IDH1: variants seen among roughly 807,000 people sequenced by gnomAD.
IDH1 encodes isocitrate dehydrogenase (NADP(+)) 1.
A neutral mutation model predicts 46.1 loss-of-function variants in IDH1; 33 were observed. The ratio of observed to expected loss-of-function variants is 0.72; its 90% CI spans 0.54 to 0.96. The LOEUF is 0.96. Among genes scored for constraint, IDH1 ranks in the 40% least tolerant of loss-of-function variants. IDH1 has a pLI of 0.00. For synonymous variants in IDH1, 144 were observed against 172.8 expected (o/e 0.83, Z 1.31); for missense variants, 421 against 515.7 (o/e 0.82, Z 1.78).
chr2:208,248,096 A>C, intron 4 of IDH1: 1 of 490,580 alleles, frequency 2.0e-6, no homozygotes, highest in Non-Finnish European at 3.6e-6. Context: ...TGGCAATATC[A>C]TATGGTATAA....
Position 208,242,769 on chromosome 2 carries a change from C to CT in IDH1, c.699-625dup, listed in dbSNP as rs1206390027. On this transcript the variant is annotated intron_variant, in intron 6 of 9. Coordinates refer to ENST00000345146, the MANE Select transcript of IDH1 (RefSeq NM_005896.4). Reference sequence around the variant, plus strand: ...TAAATTCTTTTTTTTCTTTTCTTTTCTTTTTTTTTTTTTGAGACGGAGTCT... The same window carrying CT: ...TAAATTCTTTTTTTTCTTTTCTTTTCTTTTTTTTTTTTTTGAGACGGAGTCT... Among the ~76,000 whole-genome samples, 1,338 of 139,624 alleles carry CT rather than the reference C, an allele frequency of 9.6e-3. 16 individuals are homozygous for CT. Among genetic ancestry groups the CT allele is most frequent in the Middle Eastern group, 0.032 (9 of 280 alleles). The allele number at this position is 139,624 out of a possible 152,430, so 91.6% of individuals were successfully genotyped here. A position where few individuals can be genotyped will look rare whatever the true frequency, so the allele number is the denominator to read the frequency against.
chr2:208,244,665 A>G (rs1477841320), intron 5 of IDH1, among the ~76,000 whole-genome samples: 1 of 152,264 alleles, frequency 6.6e-6, no homozygotes, highest in Non-Finnish European at 1.5e-5. Context: ...CTGCAGAACC[A>G]GATTCCAACA....
chr2:208,241,914 G>A, intron 7 of IDH1, 80 bp downstream of exon 7: 4 of 1,398,122 alleles, frequency 2.9e-6, no homozygotes, highest in Non-Finnish European at 4.1e-6. Flanking sequence ...TACAACAAAG[G>A]ACTACAAAAC....
At position 208,246,709 on chromosome 2, in the gene IDH1, C is replaced by T. The variant is rs558674711; in HGVS notation, c.415-1285G>A. 1.4e-4 allele frequency among the ~76,000 whole-genome samples: 21 copies of T among 149,452 alleles called. 1 individual carries two copies. The highest frequency in any genetic ancestry group is 9.8e-4 in the East Asian group (5 of 5,092). ...ATCCCAGCACTTTGGGAGGCGGAGG[C>T]GGAGGCGGGCGGATCACAAGGTCAG... On this transcript the variant is annotated intron_variant, in intron 4 of 9. Transcript: ENST00000345146.
intron 2 of IDH1, among the ~76,000 whole-genome samples, chr2:208,253,468 C>T (rs529051699): frequency 3.0e-4 from 45 of 152,302 alleles, no homozygotes; most frequent in Non-Finnish European, 5.1e-4. Flanking sequence ...TGTCTCCAAC[C>T]CAATCCCAAC....
intron 6 of IDH1, 32 bp from the exon 7 acceptor site, chr2:208,242,177 T>C: frequency 6.2e-7 from 1 of 1,604,554 alleles, no homozygotes; most frequent in Non-Finnish European, 8.5e-7. Context: ...AGAATAATAA[T>C]AAAGAAAATT....
intron 8 of IDH1, 38 bp downstream of exon 8, chr2:208,239,825 C>T (rs201016875): frequency 2.7e-5 from 43 of 1,611,376 alleles, no homozygotes; most frequent in Non-Finnish European, 3.1e-5. Flanking sequence ...CTTTGGAGAG[C>T]ACTCTCTGGT....
At chr2:208,237,808 C>T (rs1687841177) in intron 9 of IDH1, among the ~76,000 whole-genome samples, 1 of 150,468 alleles carries the variant, frequency 6.6e-6, no homozygotes, top group Non-Finnish European at 1.5e-5. Flanking sequence ...TGGCACAAGT[C>T]CCAGCTACTT....
rs559181479 is a variant in IDH1, at chr2:208,245,307, A to C, written c.520+12T>G. 2.1e-4 allele frequency: 274 copies of C among 1,314,304 alleles called. 2 individuals are homozygous for C. In the South Asian group the frequency reaches 3.1e-3, roughly 15 times the overall value. 81.4% of individuals were successfully genotyped at this position (1,314,304 alleles called of 1,614,324 possible). On this transcript the variant is annotated intron_variant, in intron 5 of 9. Transcript: ENST00000345146. ...TAAAAAAAAAAGAAGCTTATGCTAC[A>C]GTCATACATACCTTCAAAGTTATGT...
At chr2:208,252,410 G>A (rs546177716) in intron 2 of IDH1, among the ~76,000 whole-genome samples, 91 of 152,304 alleles carry the variant, frequency 6.0e-4, no homozygotes, top group Non-Finnish European at 1.0e-3. Flanking sequence ...GCACTTTAAG[G>A]ATAGGGTGTG....
chr2:208,254,387 AG>A (rs1559364387), intron 1 of IDH1: 1 of 116,474 alleles, frequency 8.6e-6, no homozygotes, highest in Non-Finnish European at 1.8e-5. Context: ...TGTTTCCCCC[AG>A]CCCCCTCTCG....
chr2:208,241,880 TG>T, intron 7 of IDH1, 113 bp downstream of exon 7: 1 of 1,043,722 alleles, frequency 9.6e-7, no homozygotes, highest in Non-Finnish European at 1.5e-6. Context: ...ACGGTGGACC[TG>T]GAGGTTTAAC....
intron 4 of IDH1, among the ~76,000 whole-genome samples, chr2:208,246,635 TAAA>T (rs369672159): frequency 7.3e-6 from 1 of 136,426 alleles, no homozygotes; most frequent in African/African-American, 2.7e-5. Context: ...CCAAAATAAT[TAAA>T]AAAAAAAAAA....
At chr2:208,244,517 A>G (rs1018362975) in intron 5 of IDH1, among the ~76,000 whole-genome samples, 2 of 152,244 alleles carry the variant, frequency 1.3e-5, no homozygotes, top group Non-Finnish European at 2.9e-5. Context: ...GTTGGTAGAA[A>G]TAAGTAGAAA....
Position 208,248,513 on chromosome 2 carries a change from T to C in IDH1, c.270A>G (p.Gln90=), listed in dbSNP as rs2124863318. The change falls in exon 4 of 10, where the codon CAA becomes CAG. Residue 90 remains glutamine, a synonymous_variant. Coordinates refer to ENST00000345146, the MANE Select transcript of IDH1 (RefSeq NM_005896.4). ...TGGTGCCATTTGGTGATTTCCACAT[T>C]TGTTTCAACTTGAACTCCTCAACCC... The part of the protein sequence containing the change: ...EKRVEEFKLK[Q]MWKSPNGTIR... The C allele has an allele frequency of 6.2e-7, 1 of 1,614,196 alleles. No individual in the cohort carries two copies. Among genetic ancestry groups the C allele is most frequent in the Non-Finnish European group, 8.5e-7 (1 of 1,180,040 alleles).
In IDH1 at chr2:208,245,383, T is replaced by G; in HGVS notation, c.456A>C (p.Val152=). The G allele has an allele frequency of 1.2e-6, 2 of 1,612,444 alleles. No individual in the cohort carries two copies. The highest frequency in any genetic ancestry group is 1.7e-6 in the Non-Finnish European group (2 of 1,178,868). Residue 152 remains valine, a synonymous_variant, in exon 5 of 10, where the codon GTA becomes GTC. Transcript: ENST00000345146. Reference sequence around the variant, plus strand: ...CGTCACTTGGTGTGTAGGTTATCTCTACTTTTCCAGGCCCAGGAACAACAA... The same window carrying G: ...CGTCACTTGGTGTGTAGGTTATCTCGACTTTTCCAGGCCCAGGAACAACAA... ...TDFVVPGPGK[V]EITYTPSDGT...
chr2:208,251,417 G>A lies in IDH1; in HGVS notation c.122+13C>T, dbSNP rs753237040. The A allele has an allele frequency of 5.0e-6, 8 of 1,611,948 alleles. No homozygotes were observed. Among genetic ancestry groups the A allele is most frequent in the Non-Finnish European group, 5.9e-6 (7 of 1,179,614 alleles). On this transcript the variant is annotated intron_variant, in intron 3 of 9. Coordinates refer to ENST00000345146, the MANE Select transcript of IDH1 (RefSeq NM_005896.4). ...CTTTCTGAGTTTGCTACACGGAGGG[G>A]TAACTCATTTACCTATGTAGATCCA...
chr2:208,251,292 C>T, intron 3 of IDH1, 138 bp downstream of exon 3: 2 of 775,260 alleles, frequency 2.6e-6, no homozygotes, highest in Non-Finnish European at 2.1e-6. Context: ...CTCTGTTGCC[C>T]AGGCTGGACT....
chr2:208,240,034 C>T, intron 7 of IDH1, 31 bp from the exon 8 acceptor site: 1 of 1,613,400 alleles, frequency 6.2e-7, no homozygotes, highest in Admixed American at 1.7e-5. Flanking sequence ...AGCGTTGGGT[C>T]CAACTGCATG....
Sources: gnomAD v4.1 joint callset for allele counts (sites outside exome capture counted in the v4.1 genomes callset) on GRCh38, gnomAD v4.1.1 for gene constraint, MANE v1.5 for transcripts, NCBI Gene and HGNC (gene_info 2026-07-23, HGNC 2026-07-21) for gene names.